TAFA1: variants seen among roughly 807,000 people sequenced by gnomAD.
TAFA1 encodes chemokine-like protein TAFA-1.
Under a neutral mutation model 18.5 loss-of-function variants are expected in TAFA1, and 4 were observed. The observed-to-expected ratio is 0.22, with a 90% confidence interval of 0.11 to 0.49. The LOEUF (loss-of-function observed/expected upper bound fraction) is 0.49. Ranked by LOEUF, TAFA1 falls within the 20% of genes least tolerant of loss-of-function variation. The probability of loss-of-function intolerance (pLI) is 0.98; values close to 1 mark genes in which losing one functional copy is unlikely to be tolerated. For missense variants in TAFA1, 147 were observed against 169.0 expected, an observed-to-expected ratio of 0.87 and a Z score of 0.72; for synonymous variants, 56 against 55.2, an observed-to-expected ratio of 1.01 and a Z score of -0.06.
In TAFA1 at chr3:68,042,082, C is replaced by T. The variant is rs115118306; in HGVS notation, c.118+35338C>T. Among the ~76,000 whole-genome samples, 1,081 of 152,252 alleles carry T rather than the reference C, an allele frequency of 7.1e-3. 35 individuals are homozygous for T. Among genetic ancestry groups the T allele is most frequent in the Non-Finnish European group, 4.5e-3 (303 of 68,008 alleles). ...TAATGGGAAAATTGACAGACCTGGC[C>T]ACAATGAGCCTTCTTTTTCTCATGA... On this transcript the variant is annotated intron_variant, in intron 2 of 4. Coordinates refer to ENST00000478136, the MANE Select transcript of TAFA1 (RefSeq NM_213609.4).
intron 3 of TAFA1, among the ~76,000 whole-genome samples, chr3:68,478,777 G>A (rs2106648639): frequency 6.6e-6 from 1 of 151,874 alleles, no homozygotes; most frequent in East Asian, 1.9e-4. Context: ...ATGATTATTT[G>A]AAAAAGGTAT....
At chr3:68,054,061 G>A (rs2106709482) in intron 2 of TAFA1, among the ~76,000 whole-genome samples, 1 of 152,214 alleles carries the variant, frequency 6.6e-6, no homozygotes, top group African/African-American at 2.4e-5. Flanking sequence ...CAAGTTTTCT[G>A]GACTCCCCTT....
At chr3:68,473,991 A>G (rs2072046076) in intron 3 of TAFA1, among the ~76,000 whole-genome samples, 1 of 152,038 alleles carries the variant, frequency 6.6e-6, no homozygotes, top group South Asian at 2.1e-4. Context: ...GGTCAACATG[A>G]GCAAAGTGAA....
intron 3 of TAFA1, among the ~76,000 whole-genome samples, chr3:68,471,704 T>C (rs2071999853): frequency 6.6e-6 from 1 of 152,088 alleles, no homozygotes; most frequent in Non-Finnish European, 1.5e-5. Context: ...TGGATCTGTG[T>C]CTCCCAGTTC....
At chr3:68,234,100 T>C (rs6763284) in intron 2 of TAFA1, among the ~76,000 whole-genome samples, 340 of 152,280 alleles carry the variant, frequency 2.2e-3, no homozygotes, top group African/African-American at 7.7e-3. Context: ...GAAGAATACA[T>C]ACAGATTATC....
At chr3:68,538,679 T>A in intron 3 of TAFA1, 77 bp from the exon 4 acceptor site, 2 of 1,482,128 alleles carry the variant, frequency 1.3e-6, no homozygotes, top group South Asian at 2.4e-5. Context: ...AACGTGAAAA[T>A]CTGCAGAGGG....
intron 2 of TAFA1, among the ~76,000 whole-genome samples, chr3:68,252,902 A>G (rs1302630716): frequency 6.6e-6 from 1 of 152,148 alleles, no homozygotes; most frequent in Admixed American, 6.5e-5. Context: ...ATGATAGTGA[A>G]TAAGTCTCAT....
At chr3:68,365,994 A>C (rs2069563149) in intron 2 of TAFA1, among the ~76,000 whole-genome samples, 1 of 151,558 alleles carries the variant, frequency 6.6e-6, no homozygotes, top group Non-Finnish European at 1.5e-5. Context: ...CTGAGGCAGG[A>C]GAATCACTTG....
intron 2 of TAFA1, among the ~76,000 whole-genome samples, chr3:68,117,995 T>A (rs1341355494): frequency 6.6e-6 from 1 of 152,198 alleles, no homozygotes; most frequent in Non-Finnish European, 1.5e-5. Context: ...CCAACCTTCC[T>A]GGCACCAGGA....
At chr3:68,518,006 A>G (rs2072950920) in intron 3 of TAFA1, among the ~76,000 whole-genome samples, 4 of 152,288 alleles carry the variant, frequency 2.6e-5, no homozygotes, top group Admixed American at 2.0e-4. Context: ...GCCAGAATAC[A>G]ACATTCTAAC....
intron 2 of TAFA1, among the ~76,000 whole-genome samples, chr3:68,106,250 T>G (rs999241103): frequency 4.6e-5 from 7 of 152,020 alleles, no homozygotes; most frequent in Non-Finnish European, 1.0e-4. Flanking sequence ...TATAAAATAC[T>G]AAATATAAAA....
intron 2 of TAFA1, among the ~76,000 whole-genome samples, chr3:68,113,911 T>G (rs1233942263): frequency 1.4e-5 from 2 of 145,672 alleles, no homozygotes; most frequent in East Asian, 2.0e-4. Context: ...TTTTTTTTTT[T>G]TTTTTTTTTA....
chr3:68,289,613 T>G (rs771249387), intron 2 of TAFA1, among the ~76,000 whole-genome samples: 1 of 146,184 alleles, frequency 6.8e-6, no homozygotes, highest in East Asian at 2.0e-4. Context: ...AATGTTCTGC[T>G]GCACTACTCC....
intron 2 of TAFA1, among the ~76,000 whole-genome samples, chr3:68,038,878 A>G (rs1705108166): frequency 6.6e-6 from 1 of 152,148 alleles, no homozygotes; most frequent in African/African-American, 2.4e-5. Flanking sequence ...ACTCTATGTG[A>G]GTGTTTATTT....
chr3:68,539,678 T>TGTG (rs1444454763), intron 4 of TAFA1, among the ~76,000 whole-genome samples: 27 of 14,412 alleles, frequency 1.9e-3, no homozygotes, highest in Admixed American at 5.0e-3. Flanking sequence ...TGTGTGTGTG[T>TGTG]GGGGGGGCAT....
intron 2 of TAFA1, among the ~76,000 whole-genome samples, chr3:68,336,448 C>G (rs2068970359): frequency 6.6e-6 from 1 of 152,166 alleles, no homozygotes; most frequent in South Asian, 2.1e-4. Flanking sequence ...TAAAGAAAAT[C>G]CAGAAATCTG....
chr3:68,193,515 ACT>A (rs1370932140), intron 2 of TAFA1, among the ~76,000 whole-genome samples: 7 of 151,772 alleles, frequency 4.6e-5, no homozygotes, highest in African/African-American at 1.7e-4. Flanking sequence ...ATGTATTGAT[ACT>A]CAATAGTTTC....
intron 2 of TAFA1, among the ~76,000 whole-genome samples, chr3:68,330,092 C>T (rs1286998217): frequency 6.6e-6 from 1 of 152,172 alleles, no homozygotes; most frequent in Non-Finnish European, 1.5e-5. Context: ...ATCAGTACCA[C>T]TTATATATGT....
chr3:68,022,155 C>T (rs1477424534), intron 2 of TAFA1, among the ~76,000 whole-genome samples: 1 of 152,074 alleles, frequency 6.6e-6, no homozygotes, highest in South Asian at 2.1e-4. Context: ...TTGAAAGTCA[C>T]TAAGGGTAGT....
Sources: gnomAD v4.1 joint callset for allele counts (sites outside exome capture counted in the v4.1 genomes callset) on GRCh38, gnomAD v4.1.1 for gene constraint, MANE v1.5 for transcripts, NCBI Gene and HGNC (gene_info 2026-07-23, HGNC 2026-07-21) for gene names.